The following SPATS2L variants were observed in gnomAD, a reference collection of about 807,000 sequenced individuals.
SPATS2L encodes the protein spermatogenesis associated serine rich 2 like, also known as SPATS2-like protein.
In SPATS2L, 30 loss-of-function variants were observed where a neutral mutation model predicts 59.6. The ratio of observed to expected loss-of-function variants is 0.50; its 90% CI spans 0.38 to 0.68. SPATS2L has a LOEUF of 0.68. Among genes scored for constraint, SPATS2L ranks in the 30% least tolerant of loss-of-function variants. SPATS2L has a pLI of 0.00. For missense variants in SPATS2L, 615 were observed against 700.0 expected, an observed-to-expected ratio of 0.88 and a Z score of 1.37; for synonymous variants, 252 against 263.5, an observed-to-expected ratio of 0.96 and a Z score of 0.42.
At chr2:200,366,779 TA>T (rs1340155701) in intron 2 of SPATS2L, among the ~76,000 whole-genome samples, 2 of 152,218 alleles carry the variant, frequency 1.3e-5, no homozygotes, top group African/African-American at 2.4e-5. Context: ...ATTGGAGGCT[TA>T]CAGATTTTCA....
At chr2:200,392,309 G>A (rs927348800) in intron 3 of SPATS2L, among the ~76,000 whole-genome samples, 3 of 152,178 alleles carry the variant, frequency 2.0e-5, no homozygotes, top group African/African-American at 7.2e-5. Context: ...TCATGCCTAT[G>A]TAACGAAGCC....
At chr2:200,370,498 T>C (rs1363701797) in intron 2 of SPATS2L, among the ~76,000 whole-genome samples, 1 of 152,154 alleles carries the variant, frequency 6.6e-6, no homozygotes, top group African/African-American at 2.4e-5. Context: ...TCAGTGTAAT[T>C]GCGGAGGGTA....
At chr2:200,388,790 T>A (rs2082079251) in intron 2 of SPATS2L, among the ~76,000 whole-genome samples, 3 of 152,140 alleles carry the variant, frequency 2.0e-5, no homozygotes, top group African/African-American at 7.2e-5. Context: ...TTGGTATTGT[T>A]ATGTACATAT....
chr2:200,408,936 G>A (rs946582514), intron 3 of SPATS2L, among the ~76,000 whole-genome samples: 1 of 152,224 alleles, frequency 6.6e-6, no homozygotes, highest in Admixed American at 6.5e-5. Flanking sequence ...AGCAAAATAC[G>A]GGAACATAAT....
At chr2:200,455,617 C>T (rs76619055) in intron 8 of SPATS2L, among the ~76,000 whole-genome samples, 2,436 of 152,286 alleles carry the variant, frequency 0.016, 60 homozygotes, top group African/African-American at 0.055. Flanking sequence ...GACCTTGCAG[C>T]TTCCACAGTA....
At chr2:200,327,867 CACACACACACACAT>C (rs2079808093) in intron 1 of SPATS2L, among the ~76,000 whole-genome samples, 1 of 151,962 alleles carries the variant, frequency 6.6e-6, no homozygotes, top group African/African-American at 2.4e-5. Context: ...CGGGCACACA[CACACACACACACAT>C]ACACACGCAA....
intron 11 of SPATS2L, among the ~76,000 whole-genome samples, chr2:200,471,653 C>A (rs1000869516): frequency 1.8e-4 from 27 of 152,146 alleles, no homozygotes; most frequent in Non-Finnish European, 4.0e-4. Context: ...AATAATGACC[C>A]CATGAAACTG....
At chr2:200,333,287 A>T (rs889694777) in intron 2 of SPATS2L, among the ~76,000 whole-genome samples, 1 of 151,376 alleles carries the variant, frequency 6.6e-6, no homozygotes, top group African/African-American at 2.4e-5. Context: ...CCCTGTCTCA[A>T]AAAAAAAGAG....
intron 1 of SPATS2L, among the ~76,000 whole-genome samples, chr2:200,313,757 A>G (rs569479965): frequency 1.3e-5 from 2 of 152,182 alleles, no homozygotes; most frequent in South Asian, 2.1e-4. Context: ...TCTTCCTTTC[A>G]TCTTCAACCC....
chr2:200,324,412 A>G (rs1323390519), intron 1 of SPATS2L, among the ~76,000 whole-genome samples: 3 of 152,200 alleles, frequency 2.0e-5, no homozygotes, highest in Non-Finnish European at 2.9e-5. Flanking sequence ...GTGAGGGTCA[A>G]CCTGCTTGCT....
chr2:200,445,288 G>C (rs1435766352), intron 8 of SPATS2L, among the ~76,000 whole-genome samples: 1 of 152,190 alleles, frequency 6.6e-6, no homozygotes, highest in Non-Finnish European at 1.5e-5. Context: ...ACTCCAGCTT[G>C]GGCAGCAGAG....
intron 3 of SPATS2L, among the ~76,000 whole-genome samples, chr2:200,392,045 T>G (rs1171524098): frequency 2.0e-5 from 3 of 152,210 alleles, no homozygotes; most frequent in Non-Finnish European, 2.9e-5. Flanking sequence ...CACTGTAACT[T>G]TGTGATACTT....
intron 2 of SPATS2L, among the ~76,000 whole-genome samples, chr2:200,364,099 G>A (rs1040894874): frequency 3.3e-5 from 5 of 152,150 alleles, no homozygotes; most frequent in African/African-American, 1.2e-4. Flanking sequence ...TGAAGATGGG[G>A]GAAGGAGACA....
At chr2:200,465,143 C>T (rs929560214) in intron 9 of SPATS2L, among the ~76,000 whole-genome samples, 1 of 152,170 alleles carries the variant, frequency 6.6e-6, no homozygotes, top group African/African-American at 2.4e-5. Flanking sequence ...TGGAGATGCT[C>T]GCAGGAAACA....
chr2:200,439,950 C>T (rs1001020194), intron 7 of SPATS2L, among the ~76,000 whole-genome samples: 3 of 152,184 alleles, frequency 2.0e-5, no homozygotes, highest in African/African-American at 7.2e-5. Context: ...TTTCATTCAG[C>T]CTCAGTTGTA....
intron 1 of SPATS2L, among the ~76,000 whole-genome samples, chr2:200,308,104 C>A (rs937722540): frequency 6.6e-6 from 1 of 152,002 alleles, no homozygotes; most frequent in African/African-American, 2.4e-5. Flanking sequence ...GGTCGTGTAA[C>A]CTTTTTAACA....
chr2:200,309,027 G>C, intron 1 of SPATS2L: 2 of 717,736 alleles, frequency 2.8e-6, no homozygotes, highest in Non-Finnish European at 5.2e-6. Context: ...AAATACTTAG[G>C]CCACACCGTT....
intron 12 of SPATS2L, among the ~76,000 whole-genome samples, chr2:200,475,398 G>A (rs1160452884): frequency 1.3e-5 from 2 of 152,220 alleles, no homozygotes; most frequent in African/African-American, 4.8e-5. Flanking sequence ...ATCCATTTGT[G>A]TAAGGTGAAT....
intron 1 of SPATS2L, chr2:200,308,786 C>T: frequency 2.4e-6 from 1 of 413,160 alleles, no homozygotes; most frequent in Non-Finnish European, 4.3e-6. Context: ...TTCTTTAATC[C>T]CTGAAAATAT....
Sources: allele counts gnomAD v4.1 joint callset (sites outside exome capture counted in the v4.1 genomes callset), GRCh38; gene constraint gnomAD v4.1.1; transcripts MANE v1.5; gene names NCBI Gene and HGNC (gene_info 2026-07-23, HGNC 2026-07-21).